The following NETO2 variants were observed in gnomAD, a reference collection of about 807,000 sequenced individuals.
The protein encoded by NETO2 is neuropilin and tolloid like 2, also known as neuropilin and tolloid-like protein 2.
A neutral mutation model predicts 62.5 loss-of-function variants in NETO2; 28 were observed. That is an observed-to-expected ratio of 0.45 (90% CI 0.33 to 0.61). The LOEUF is 0.61. Ranked by LOEUF, NETO2 falls within the 20% of genes least tolerant of loss-of-function variation. The pLI is 0.02. For missense variants in NETO2, 548 were observed against 643.2 expected, an observed-to-expected ratio of 0.85 and a Z score of 1.60; for synonymous variants, 214 against 219.1, an observed-to-expected ratio of 0.98 and a Z score of 0.21.
chr16:47,124,439 A>T (rs897572314), intron 4 of NETO2, among the ~76,000 whole-genome samples: 6 of 152,084 alleles, frequency 3.9e-5, no homozygotes, highest in South Asian at 4.2e-4. Flanking sequence ...GAATTTCATT[A>T]AAAAAAATGA....
intron 7 of NETO2, among the ~76,000 whole-genome samples, chr16:47,106,773 C>T (rs1963683910): frequency 6.6e-6 from 1 of 151,494 alleles, no homozygotes; most frequent in Non-Finnish European, 1.5e-5. Flanking sequence ...GAATGGTTTC[C>T]AGGATATAAT....
chr16:47,083,623 C>A lies in NETO2; in HGVS notation c.1176G>T (p.Val392=). Residue 392 remains valine, a synonymous_variant, in exon 9 of 9, where the codon GTG becomes GTT. Transcript: ENST00000562435. Reference sequence around the variant, plus strand: ...ACAGTTCATAATGAGGAGGATCAAACACTTCTTGGAACCCGGTTTTATTAA... The same window carrying A: ...ACAGTTCATAATGAGGAGGATCAAAAACTTCTTGGAACCCGGTTTTATTAA... ...TAFNKTGFQE[V]FDPPHYELFS... The A allele has an allele frequency of 6.2e-7, 1 of 1,614,190 alleles. No homozygotes were observed. Among genetic ancestry groups the A allele is most frequent in the Non-Finnish European group, 8.5e-7 (1 of 1,180,046 alleles).
chr16:47,084,802 C>A (rs1157980569), intron 8 of NETO2, among the ~76,000 whole-genome samples: 1 of 152,164 alleles, frequency 6.6e-6, no homozygotes, highest in Non-Finnish European at 1.5e-5. Flanking sequence ...CTCTCATCAC[C>A]CCCAGATGGG....
chr16:47,143,834 T>G lies in NETO2; in HGVS notation c.-222A>C. 1 of 442,018 alleles carries G rather than the reference T, an allele frequency of 2.3e-6. No homozygotes were observed. The allele number at this position is 442,018 out of a possible 1,614,324, so 27.4% of individuals were successfully genotyped here. A position where few individuals can be genotyped will look rare whatever the true frequency, so the allele number is the denominator to read the frequency against. On this transcript the variant is annotated 5_prime_UTR_variant, in exon 1 of 9. Coordinates refer to ENST00000562435, the MANE Select transcript of NETO2 (RefSeq NM_018092.5). The stretch of plus-strand genomic sequence containing the variant: ...GAGCACCCCGACGGGCGCCGCCTCC[T>G]GCTCCGCGGCGCCCCGTCCCATCGA...
chr16:47,115,648 C>T (rs1181391384), intron 6 of NETO2, among the ~76,000 whole-genome samples: 1 of 148,666 alleles, frequency 6.7e-6, no homozygotes, highest in Non-Finnish European at 1.5e-5. Context: ...CTGCCTCAGC[C>T]TCCCGGGTAG....
At chr16:47,109,757 T>C in intron 6 of NETO2, 46 bp from the exon 7 acceptor site, 1 of 1,365,510 alleles carries the variant, frequency 7.3e-7, no homozygotes, top group Middle Eastern at 1.8e-4. Flanking sequence ...GATATATTAA[T>C]TTGAATTTTT....
chr16:47,130,781 T>C (rs1964249576), intron 2 of NETO2, among the ~76,000 whole-genome samples: 2 of 152,080 alleles, frequency 1.3e-5, no homozygotes, highest in Admixed American at 6.5e-5. Flanking sequence ...ATCCCCATCA[T>C]TTGTGTGCTT....
intron 7 of NETO2, among the ~76,000 whole-genome samples, chr16:47,094,252 A>G (rs931772990): frequency 1.4e-5 from 2 of 139,816 alleles, no homozygotes; most frequent in Non-Finnish European, 3.0e-5. Flanking sequence ...AAGTACTGAT[A>G]TATCACTTGG....
At chr16:47,115,951 C>T (rs1373240274) in intron 6 of NETO2, among the ~76,000 whole-genome samples, 3 of 151,340 alleles carry the variant, frequency 2.0e-5, no homozygotes, top group African/African-American at 7.3e-5. Context: ...TTTTCAGATG[C>T]TATGGAAATT....
intron 7 of NETO2, among the ~76,000 whole-genome samples, chr16:47,094,512 G>A (rs935607655): frequency 1.3e-5 from 2 of 151,232 alleles, no homozygotes; most frequent in African/African-American, 2.4e-5. Flanking sequence ...TGCAAGCTCC[G>A]CCTCCCGGGT....
At position 47,097,742 on chromosome 16, in the gene NETO2, G is replaced by A. The variant is rs570490540; in HGVS notation, c.884-11403C>T. Among the ~76,000 whole-genome samples the A allele has an allele frequency of 4.6e-5, 7 of 152,344 alleles. No individual in the cohort carries two copies. The South Asian group carries it at 1.2e-3, about 27-fold the overall frequency. On this transcript the variant is annotated intron_variant, in intron 7 of 8. Transcript: ENST00000562435. ...CCTCCTGACTGGGAGATACCTCACA[G>A]AAGGGGTCGACAGACACCTCACACA...
At position 47,086,207 on chromosome 16, in the gene NETO2, G is replaced by C; in HGVS notation, c.997+19C>G. 1 of 1,388,756 alleles carries C rather than the reference G, an allele frequency of 7.2e-7. No individual in the cohort carries two copies. Among genetic ancestry groups the C allele is most frequent in the Non-Finnish European group, 1.0e-6 (1 of 975,166 alleles). The allele number at this position is 1,388,756 out of a possible 1,614,324, so 86.0% of individuals were successfully genotyped here. A position where few individuals can be genotyped will look rare whatever the true frequency, so the allele number is the denominator to read the frequency against. ...AGCCACTCTTTTCTCAAAAATGTTG[G>C]CCTTTACATCAAACTCACCTTTACA... On this transcript the variant is annotated intron_variant, in intron 8 of 8. Transcript: ENST00000562435.
rs564103722 is a variant in NETO2, at chr16:47,081,252, TTAAG to T, written c.*1965_*1968del. ...TCATAAGATCATAGTTGTTGTTATA[TTAAG>T]TATTTATTATGCTGTTCAAATGTTA... On this transcript the variant is annotated 3_prime_UTR_variant, in exon 9 of 9. Coordinates refer to ENST00000562435, the MANE Select transcript of NETO2 (RefSeq NM_018092.5). The T allele has an allele frequency of 4.9e-4, 74 of 152,296 alleles. No individual in the cohort carries two copies. Among genetic ancestry groups the T allele is most frequent in the South Asian group, 2.5e-3 (12 of 4,826 alleles). 9.4% of individuals were successfully genotyped at this position (152,296 alleles called of 1,614,324 possible).
intron 6 of NETO2, among the ~76,000 whole-genome samples, chr16:47,121,774 C>T (rs1266910182): frequency 6.6e-6 from 1 of 152,178 alleles, no homozygotes; most frequent in African/African-American, 2.4e-5. Flanking sequence ...TAAAAGTCAG[C>T]CAGGGGCATC....
At chr16:47,114,041 TCA>T (rs984197810) in intron 6 of NETO2, among the ~76,000 whole-genome samples, 1 of 152,090 alleles carries the variant, frequency 6.6e-6, no homozygotes, top group African/African-American at 2.4e-5. Flanking sequence ...GACGGCTGAG[TCA>T]CACAGTTACT....
chr16:47,128,712 T>C (rs1235051570), intron 3 of NETO2, 139 bp from the exon 4 acceptor site: 3 of 867,388 alleles, frequency 3.5e-6, no homozygotes, highest in Non-Finnish European at 5.3e-6. Context: ...GCTATACAAG[T>C]CATGATAAAT....
At chr16:47,099,938 C>A (rs543531085) in intron 7 of NETO2, among the ~76,000 whole-genome samples, 2 of 152,286 alleles carry the variant, frequency 1.3e-5, no homozygotes, top group South Asian at 4.1e-4. Flanking sequence ...AGGACTTGAA[C>A]TCAGCTCTGT....
At chr16:47,137,557 A>G (rs910981566) in intron 1 of NETO2, among the ~76,000 whole-genome samples, 4 of 152,182 alleles carry the variant, frequency 2.6e-5, no homozygotes, top group Non-Finnish European at 4.4e-5. Context: ...AGGCTCTACT[A>G]TCTATTCTTA....
Position 47,090,729 on chromosome 16 carries a change from C to A in NETO2, c.884-4390G>T, listed in dbSNP as rs72812491. On this transcript the variant is annotated intron_variant, in intron 7 of 8. Coordinates refer to ENST00000562435, the MANE Select transcript of NETO2 (RefSeq NM_018092.5). Reference sequence around the variant, plus strand: ...ATTCTAACAAAAATATCTGCTGCTGCTTTCACAGTTCTAGTCCTAGAAATT... The same window carrying A: ...ATTCTAACAAAAATATCTGCTGCTGATTTCACAGTTCTAGTCCTAGAAATT... Among the ~76,000 whole-genome samples the A allele has an allele frequency of 3.5e-3, 528 of 152,316 alleles. 8 individuals carry two copies. In the South Asian group the frequency reaches 0.056, roughly 16 times the overall value.
Sources: allele counts gnomAD v4.1 joint callset (sites outside exome capture counted in the v4.1 genomes callset), GRCh38; gene constraint gnomAD v4.1.1; transcripts MANE v1.5; gene names NCBI Gene and HGNC (gene_info 2026-07-23, HGNC 2026-07-21).